The following ZFHX3 variants were observed in gnomAD, a reference collection of about 807,000 sequenced individuals.
ZFHX3 encodes the protein zinc finger homeobox protein 3.
In ZFHX3, 42 loss-of-function variants were observed where a neutral mutation model predicts 279.1. That is an observed-to-expected ratio of 0.15 (90% CI 0.12 to 0.19). The LOEUF (loss-of-function observed/expected upper bound fraction) is 0.19, where lower values mean the gene tolerates loss of function less well. Among genes scored for constraint, ZFHX3 ranks in the 10% least tolerant of loss-of-function variants. The pLI, the probability that ZFHX3 is intolerant of heterozygous loss-of-function variation, is 1.00. For synonymous variants in ZFHX3, 2,293 were observed against 1,957.8 expected (o/e 1.17, Z -4.52); for missense variants, 4,981 against 4,754.0 (o/e 1.05, Z -1.40).
At chr16:73,484,123 G>C (rs1049678597) in intron 2 of ZFHX3, among the ~76,000 whole-genome samples, 1 of 151,998 alleles carries the variant, frequency 6.6e-6, no homozygotes, top group Non-Finnish European at 1.5e-5. Flanking sequence ...TAGGAAAGGC[G>C]CAGTTGTGCA....
At chr16:73,362,364 C>A (rs1379284482) in intron 3 of ZFHX3, among the ~76,000 whole-genome samples, 1 of 152,172 alleles carries the variant, frequency 6.6e-6, no homozygotes, top group African/African-American at 2.4e-5. Context: ...GGGGCTTGAC[C>A]ACCCATGGGA....
intron 1 of ZFHX3, among the ~76,000 whole-genome samples, chr16:73,751,948 T>C (rs563920833): frequency 6.6e-6 from 1 of 152,218 alleles, no homozygotes; most frequent in South Asian, 2.1e-4. Flanking sequence ...GCCAGGTCAA[T>C]CGGGTTATTC....
At chr16:73,861,993 T>C (rs963021384) in intron 1 of ZFHX3, among the ~76,000 whole-genome samples, 5 of 152,212 alleles carry the variant, frequency 3.3e-5, no homozygotes, top group African/African-American at 1.2e-4. Context: ...TTGAAAGTTA[T>C]CTATAGTTAA....
intron 1 of ZFHX3, among the ~76,000 whole-genome samples, chr16:73,701,205 T>C (rs1301512381): frequency 6.6e-6 from 1 of 152,202 alleles, no homozygotes; most frequent in Non-Finnish European, 1.5e-5. Flanking sequence ...AAGTCATCTG[T>C]TATTTGAAAA....
chr16:73,380,499 T>A (rs1227622253), intron 3 of ZFHX3, among the ~76,000 whole-genome samples: 1 of 152,180 alleles, frequency 6.6e-6, no homozygotes, highest in African/African-American at 2.4e-5. Flanking sequence ...TGTTGATATA[T>A]CTGAATACCT....
chr16:73,675,398 A>G (rs757211030), intron 2 of ZFHX3, among the ~76,000 whole-genome samples: 1 of 152,104 alleles, frequency 6.6e-6, no homozygotes, highest in African/African-American at 2.4e-5. Flanking sequence ...CACATATAAA[A>G]TCAGACATGG....
intron 3 of ZFHX3, among the ~76,000 whole-genome samples, chr16:73,346,464 C>T (rs12325540): frequency 0.18 from 26,798 of 152,104 alleles, 2,588 homozygotes; most frequent in Non-Finnish European, 0.22. Flanking sequence ...ATGGGTCACC[C>T]CAAGTTGTCA....
In ZFHX3 at chr16:73,850,627, T is replaced by G. The variant is rs559973587; in HGVS notation, c.-1608+41024A>C. On this transcript the variant is annotated intron_variant, in intron 1 of 17. Coordinates refer to the ZFHX3 transcript ENST00000641206. ...CCCAGGGGAAGCTCTGGGGCATAAA[T>G]TGCCTGTCCTCTGTCTGTCCTGGCT... Among the ~76,000 whole-genome samples the G allele has an allele frequency of 2.6e-5, 4 of 152,168 alleles. No homozygotes were observed. The South Asian group carries it at 8.3e-4, about 32-fold the overall frequency.
At chr16:73,882,975 T>C (rs778559236) in intron 1 of ZFHX3, among the ~76,000 whole-genome samples, 12 of 151,928 alleles carry the variant, frequency 7.9e-5, no homozygotes, top group African/African-American at 2.9e-4. Context: ...TTATAAACAC[T>C]GGGGATTTGG....
intron 1 of ZFHX3, among the ~76,000 whole-genome samples, chr16:73,022,841 G>T (rs1964352587): frequency 6.6e-6 from 1 of 152,070 alleles, no homozygotes; most frequent in African/African-American, 2.4e-5. Context: ...GCCAGGTTTT[G>T]CCCTGAAGAC....
rs902072111 is a variant in ZFHX3, at chr16:72,986,841, G to A, written c.-49-26647C>T. On this transcript the variant is annotated intron_variant, in intron 1 of 9. Transcript: ENST00000268489. The stretch of plus-strand genomic sequence containing the variant: ...TACCGAAGGTGTGTTTTCAGAGTGT[G>A]AAATGGAAAAAACATAGAACCCAGC... Among the ~76,000 whole-genome samples, 3 of 152,248 alleles carry A rather than the reference G, an allele frequency of 2.0e-5. No homozygotes were observed. The East Asian group carries it at 5.8e-4, about 29-fold the overall frequency.
chr16:72,795,420 G>A lies in ZFHX3; in HGVS notation c.7262C>T (p.Ser2421Leu), dbSNP rs1303922806. 1 of 1,614,128 alleles carries A rather than the reference G, an allele frequency of 6.2e-7. No individual in the cohort carries two copies. Among genetic ancestry groups the A allele is most frequent in the South Asian group, 1.1e-5 (1 of 91,076 alleles). Residue 2421 changes from serine to leucine, a missense_variant, in exon 9 of 10, where the codon TCA (serine) becomes TTA (leucine). Ser to Leu is a moderately radical substitution (Grantham distance 145, BLOSUM62 -2). Around this residue, in one of 7 missense-constraint regions of ZFHX3, gnomAD observed 744 missense variants for 701.3 expected, o/e 1.06. Coordinates refer to ENST00000268489, the MANE Select transcript of ZFHX3 (RefSeq NM_006885.4). ...AEAEELATFN[S>L]KTEAGDEKPK... ...TTTCTCATCGCCTGCCTCTGTTTTT[G>A]AATTGAAGGTGGCCAGTTCCTCAGC... is the stretch of plus-strand genomic sequence containing the variant.
chr16:73,171,458 A>G (rs1967520962), intron 5 of ZFHX3, among the ~76,000 whole-genome samples: 2 of 115,056 alleles, frequency 1.7e-5, no homozygotes, highest in Admixed American at 2.7e-4. Context: ...GTAAATCCAC[A>G]GTTGTCCTGG....
chr16:73,505,633 CTGGTCT>C (rs1259008385), intron 2 of ZFHX3, among the ~76,000 whole-genome samples: 1 of 151,974 alleles, frequency 6.6e-6, no homozygotes, highest in Non-Finnish European at 1.5e-5. Flanking sequence ...TGAAACAATT[CTGGTCT>C]AAAGGAGCCG....
intron 4 of ZFHX3, among the ~76,000 whole-genome samples, chr16:72,847,884 CCCGAGGGGGAGGAGG>C (rs2037518131): frequency 6.6e-6 from 1 of 152,046 alleles, no homozygotes; most frequent in Non-Finnish European, 1.5e-5. Context: ...TGATCTGAAG[CCCGAGGGGGAGGAGG>C]CTGGGTGCAG....
chr16:73,621,487 C>A (rs1385156687), intron 2 of ZFHX3, among the ~76,000 whole-genome samples: 1 of 152,136 alleles, frequency 6.6e-6, no homozygotes, highest in Non-Finnish European at 1.5e-5. Context: ...TCAGTTGAAA[C>A]AGATATTCTA....
chr16:73,300,470 C>T (rs930215986), intron 4 of ZFHX3, among the ~76,000 whole-genome samples: 23 of 151,244 alleles, frequency 1.5e-4, no homozygotes, highest in Non-Finnish European at 2.4e-4. Flanking sequence ...TGCCAGGATA[C>T]GGGATGTTGG....
At chr16:73,815,573 T>C (rs971007697) in intron 1 of ZFHX3, 1 of 151,932 alleles carries the variant, frequency 6.6e-6, no homozygotes, top group African/African-American at 2.4e-5. Flanking sequence ...TTTTTTTTTT[T>C]CTTTTTGGAG....
rs1048376410 is a variant in ZFHX3 at position 72,950,929 on chromosome 16, C to T, written c.2756G>A (p.Gly919Asp). The change falls in exon 3 of 10, where the codon GGC becomes GAC. Residue 919 changes from glycine to aspartate, a missense_variant. By Grantham distance (94) the Gly-to-Asp change is moderately conservative. This residue lies in a region of ZFHX3 where 1,751 missense variants were observed against 1,770.0 expected (regional missense o/e 0.99). Transcript: ENST00000268489. ...CAGCTCCTCTGACACCAGCTGCCCGCCCCCGAGCCGCATGTCTAGGGGGAT... is the reference window on the plus strand; with the variant it reads ...CAGCTCCTCTGACACCAGCTGCCCGTCCCCGAGCCGCATGTCTAGGGGGAT... ...GEIPLDMRLG[G>D]GQLVSEELMN... 2 of 1,613,926 alleles carry T rather than the reference C, an allele frequency of 1.2e-6. No homozygotes were observed. Among genetic ancestry groups the T allele is most frequent in the East Asian group, 2.2e-5 (1 of 44,868 alleles).
Sources: gnomAD v4.1 joint callset for allele counts (sites outside exome capture counted in the v4.1 genomes callset) on GRCh38, gnomAD v4.1.1 for gene constraint, gnomAD v4.1.1 regional missense constraint, MANE v1.5 for transcripts, NCBI Gene and HGNC (gene_info 2026-07-23, HGNC 2026-07-21) for gene names.